COL24A1: variants seen among roughly 807,000 people sequenced by gnomAD.
COL24A1 encodes collagen type XXIV alpha 1 chain.
Under a neutral mutation model 253.9 loss-of-function variants are expected in COL24A1, and 224 were observed. The ratio of observed to expected loss-of-function variants is 0.88; its 90% CI spans 0.79 to 0.99. COL24A1 has a LOEUF of 0.99. COL24A1 is among the 50% of genes least tolerant of loss of function. COL24A1 has a pLI of 0.00. For synonymous variants in COL24A1, 685 were observed against 673.7 expected (o/e 1.02, Z -0.26); for missense variants, 2,131 against 2,068.5 (o/e 1.03, Z -0.59).
chr1:85,991,442 G>A lies in COL24A1; in HGVS notation c.2311-3788C>T, dbSNP rs112165170. Among the ~76,000 whole-genome samples the A allele has an allele frequency of 4.2e-3, 635 of 152,320 alleles. 1 individual carries two copies. Among genetic ancestry groups the A allele is most frequent in the African/African-American group, 0.014 (590 of 41,578 alleles). ...AAAAAGGAGGAACTGCTTACTTTTG[G>A]GAGGAGAGCTGGGCTTGTGGTTTCA... On this transcript the variant is annotated intron_variant, in intron 19 of 59. Coordinates refer to ENST00000370571, the MANE Select transcript of COL24A1 (RefSeq NM_152890.7).
intron 24 of COL24A1, among the ~76,000 whole-genome samples, chr1:85,953,559 T>A (rs1004315761): frequency 2.0e-5 from 3 of 152,226 alleles, no homozygotes; most frequent in Admixed American, 1.3e-4. Context: ...ACACATTAAG[T>A]GTTCAGTAAG....
At chr1:85,913,518 G>A (rs1685576076) in intron 24 of COL24A1, among the ~76,000 whole-genome samples, 1 of 152,172 alleles carries the variant, frequency 6.6e-6, no homozygotes, top group African/African-American at 2.4e-5. Context: ...CTTAGTTCCA[G>A]AGGGAGGAAT....
chr1:86,012,761 C>G (rs1320896884), intron 19 of COL24A1, among the ~76,000 whole-genome samples: 5 of 152,152 alleles, frequency 3.3e-5, no homozygotes, highest in African/African-American at 1.2e-4. Context: ...GCACTTAGAA[C>G]CAAATCCAAA....
intron 42 of COL24A1, 37 bp downstream of exon 42, chr1:85,841,185 T>C (rs1043284917): frequency 1.4e-6 from 2 of 1,473,658 alleles, no homozygotes; most frequent in East Asian, 2.3e-5. Context: ...TTGTGTTTTA[T>C]CTTGAATAAC....
chr1:85,970,277 A>T lies in COL24A1; in HGVS notation c.2419-6T>A. On this transcript the variant is annotated splice_region_variant and splice_polypyrimidine_tract_variant and intron_variant, in intron 21 of 59. Transcript: ENST00000370571. ...CCAATTGGTCCTTCTTCTCCCTTAA[A>T]AAAAAAAAAAGTCAGAACATATTAT... The T allele has an allele frequency of 6.4e-7, 1 of 1,564,944 alleles. No homozygotes were observed.
intron 32 of COL24A1, among the ~76,000 whole-genome samples, chr1:85,888,617 A>G (rs1046164159): frequency 6.6e-6 from 1 of 152,134 alleles, no homozygotes; most frequent in Non-Finnish European, 1.5e-5. Context: ...TAAGATATAC[A>G]TAATAGGGAG....
chr1:86,004,992 T>C (rs1473425288), intron 19 of COL24A1, among the ~76,000 whole-genome samples: 1 of 152,172 alleles, frequency 6.6e-6, no homozygotes, highest in Non-Finnish European at 1.5e-5. Context: ...CTGTCAAACA[T>C]ACATGCTCTT....
At chr1:85,829,284 A>G (rs1452417034) in intron 43 of COL24A1, among the ~76,000 whole-genome samples, 3 of 152,030 alleles carry the variant, frequency 2.0e-5, no homozygotes, top group African/African-American at 7.2e-5. Context: ...GTTTCTGCCA[A>G]GAGATCTGCT....
chr1:85,765,399 T>C (rs969139603), intron 53 of COL24A1, among the ~76,000 whole-genome samples: 13 of 152,108 alleles, frequency 8.5e-5, no homozygotes, highest in African/African-American at 2.9e-4. Context: ...TTCAAGTTGT[T>C]ACATTTTGTC....
intron 45 of COL24A1, 94 bp from the exon 46 acceptor site, chr1:85,818,181 A>G (rs1673244465): frequency 2.1e-6 from 2 of 933,214 alleles, no homozygotes; most frequent in African/African-American, 1.6e-5. Flanking sequence ...CGCTGCAGCA[A>G]GAACTAGCAC....
intron 18 of COL24A1, among the ~76,000 whole-genome samples, chr1:86,018,632 A>G (rs1262675026): frequency 6.6e-6 from 1 of 152,206 alleles, no homozygotes; most frequent in East Asian, 1.9e-4. Context: ...ATTTTATTTG[A>G]TCTTCAGAAT....
chr1:85,833,903 G>A (rs1675672391), intron 43 of COL24A1, among the ~76,000 whole-genome samples: 1 of 145,092 alleles, frequency 6.9e-6, no homozygotes, highest in African/African-American at 2.6e-5. Context: ...ACTTATAGGT[G>A]GGAATTGAAC....
intron 28 of COL24A1, among the ~76,000 whole-genome samples, chr1:85,905,552 C>T (rs1346924354): frequency 2.6e-5 from 4 of 151,954 alleles, no homozygotes; most frequent in Non-Finnish European, 4.4e-5. Context: ...TTTTAAAGCC[C>T]TTGTTTCTAA....
At chr1:85,961,495 C>A (rs1691060355) in intron 23 of COL24A1, among the ~76,000 whole-genome samples, 1 of 152,122 alleles carries the variant, frequency 6.6e-6, no homozygotes, top group African/African-American at 2.4e-5. Flanking sequence ...TCTACACATC[C>A]TGCACATGTA....
intron 6 of COL24A1, among the ~76,000 whole-genome samples, chr1:86,089,650 C>T (rs1380688806): frequency 2.0e-5 from 3 of 152,116 alleles, no homozygotes; most frequent in Non-Finnish European, 1.5e-5. Flanking sequence ...TGAAACCCGT[C>T]TCTACTAAAA....
intron 3 of COL24A1, among the ~76,000 whole-genome samples, chr1:86,120,862 A>G (rs1647232598): frequency 6.6e-6 from 1 of 152,186 alleles, no homozygotes; most frequent in African/African-American, 2.4e-5. Flanking sequence ...CTGTGGCACT[A>G]TTCACAATAG....
chr1:85,858,826 G>C (rs1558418447), intron 37 of COL24A1, among the ~76,000 whole-genome samples: 2 of 151,386 alleles, frequency 1.3e-5, no homozygotes, highest in East Asian at 1.9e-4. Flanking sequence ...CTGCAGCCCC[G>C]ACCTTCCAGC....
intron 22 of COL24A1, among the ~76,000 whole-genome samples, chr1:85,965,314 G>C (rs750837274): frequency 6.6e-5 from 10 of 152,096 alleles, no homozygotes; most frequent in Non-Finnish European, 1.3e-4. Context: ...CATAGAGCTT[G>C]TATTTTAGTG....
chr1:85,922,734 C>T (rs1280689685), intron 24 of COL24A1, among the ~76,000 whole-genome samples: 1 of 152,186 alleles, frequency 6.6e-6, no homozygotes, highest in African/African-American at 2.4e-5. Context: ...TAAAGACCAT[C>T]AATGCTAGGA....
Sources: allele counts gnomAD v4.1 joint callset (sites outside exome capture counted in the v4.1 genomes callset), GRCh38; gene constraint gnomAD v4.1.1; transcripts MANE v1.5; gene names NCBI Gene and HGNC (gene_info 2026-07-23, HGNC 2026-07-21).